Variants in ENPP2 observed in about 807,000 individuals in gnomAD.
ENPP2 encodes the protein autotaxin.
In ENPP2, 51 loss-of-function variants were observed where a neutral mutation model predicts 120.2. That is an observed-to-expected ratio of 0.42 (90% confidence interval 0.34 to 0.54). The LOEUF (loss-of-function observed/expected upper bound fraction) is 0.54. ENPP2 is among the 20% of genes least tolerant of loss of function. The probability of loss-of-function intolerance (pLI) is 0.04; values close to 1 mark genes in which losing one functional copy is unlikely to be tolerated. For synonymous variants in ENPP2, 365 were observed against 366.4 expected (o/e 1.00, Z 0.04); for missense variants, 920 against 1,066.5 (o/e 0.86, Z 1.91).
intron 11 of ENPP2, among the ~76,000 whole-genome samples, chr8:119,594,610 T>C (rs1813758955): frequency 6.6e-6 from 1 of 152,234 alleles, no homozygotes. Context: ...TATCTCATTT[T>C]CTTACTTCAA....
At chr8:119,606,632 A>C (rs1814738154) in intron 9 of ENPP2, among the ~76,000 whole-genome samples, 1 of 151,968 alleles carries the variant, frequency 6.6e-6, no homozygotes, top group Admixed American at 6.5e-5. Flanking sequence ...AAAGAAAGAA[A>C]TCTCTTAAAG....
chr8:119,603,875 T>C (rs1472882518), intron 9 of ENPP2, among the ~76,000 whole-genome samples: 5 of 152,134 alleles, frequency 3.3e-5, no homozygotes. Context: ...GATAATTCTT[T>C]TCTGGGCAGG....
chr8:119,650,173 C>CTTA (rs931911116), intron 1 of ENPP2, among the ~76,000 whole-genome samples: 1 of 152,158 alleles, frequency 6.6e-6, no homozygotes, highest in African/African-American at 2.4e-5. Context: ...GAATGAAGCC[C>CTTA]TTATATGTGC....
intron 8 of ENPP2, among the ~76,000 whole-genome samples, chr8:119,610,429 A>G (rs1338328158): frequency 2.0e-5 from 3 of 152,030 alleles, no homozygotes; most frequent in African/African-American, 7.2e-5. Context: ...AAGGGGGGGA[A>G]AAAGGCACTA....
Position 119,582,620 on chromosome 8 carries a change from A to T in ENPP2, c.1544-18T>A, listed in dbSNP as rs1265479145. The T allele has an allele frequency of 6.4e-7, 1 of 1,573,916 alleles. No individual in the cohort carries two copies. ...CAGGAGATCTAATGAAAATTAAGAA[A>T]AGGAGGCAGGTGCTTCTTATATTTT... On this transcript the variant is annotated intron_variant, in intron 17 of 24. Transcript: ENST00000075322.
In ENPP2 at chr8:119,569,282, G is replaced by T; in HGVS notation, c.2006C>A (p.Ala669Asp). Residue 669 changes from alanine (A) to aspartate (D), a missense_variant, in exon 21 of 25, where the codon GCC (alanine) becomes GAC (aspartate). By Grantham distance (126) the Ala-to-Asp change is moderately radical. Coordinates refer to ENST00000075322, the MANE Select transcript of ENPP2 (RefSeq NM_001040092.3). Reference protein sequence around the residue: ...VSPSFSQNCLAYKNDKQMSYG... With the variant: ...VSPSFSQNCLDYKNDKQMSYG... ...GGACATCTGCTTATCATTTTTGTAG[G>T]CCAAACAGTTCTGACTGAAACTCGG... 1 of 1,613,976 alleles carries T rather than the reference G, an allele frequency of 6.2e-7. No homozygotes were observed.
chr8:119,657,630 T>G (rs537036654), intron 1 of ENPP2, among the ~76,000 whole-genome samples: 1 of 152,316 alleles, frequency 6.6e-6, no homozygotes, highest in South Asian at 2.1e-4. Context: ...AATAGCAACA[T>G]GCTAGCATCA....
intron 12 of ENPP2, among the ~76,000 whole-genome samples, chr8:119,590,960 T>A (rs1813455895): frequency 7.5e-6 from 1 of 132,728 alleles, no homozygotes; most frequent in South Asian, 2.4e-4. Flanking sequence ...CAAACATAAC[T>A]ATTGACAGAG....
At chr8:119,642,032 C>T (rs955727015), upstream of ENPP2, among the ~76,000 whole-genome samples, 12 of 152,132 alleles carry the variant, frequency 7.9e-5, no homozygotes, top group Non-Finnish European at 8.8e-5. Flanking sequence ...ATCCAGGCAA[C>T]GCATAATATA....
At chr8:119,608,023 G>A in intron 8 of ENPP2, 46 bp from the exon 9 acceptor site, 1 of 1,416,048 alleles carries the variant, frequency 7.1e-7, no homozygotes, top group Non-Finnish European at 9.8e-7. Context: ...CTGTGTTTTT[G>A]TCAAAGAAGA....
Position 119,562,863 on chromosome 8 carries a change from G to A in ENPP2, c.2415C>T (p.Ser805=). 1 of 1,613,946 alleles carries A rather than the reference G, an allele frequency of 6.2e-7. No individual in the cohort carries two copies. The highest frequency in any genetic ancestry group is 8.5e-7 in the Non-Finnish European group (1 of 1,179,896). The part of the protein sequence containing the change: ...ILPHRPDNEE[S]CNSSEDESKW... ...ACTCTCTCTGTAAACTCACATTGCAGCTCTCCTCGTTGTCAGGCCGGTGAG... is the reference window on the plus strand; with the variant it reads ...ACTCTCTCTGTAAACTCACATTGCAACTCTCCTCGTTGTCAGGCCGGTGAG... Residue 805 remains serine (S), a synonymous_variant, in exon 24 of 25, where the codon AGC becomes AGT. Transcript: ENST00000075322.
At chr8:119,646,005 G>C (rs551760475) in intron 1 of ENPP2, among the ~76,000 whole-genome samples, 1 of 150,174 alleles carries the variant, frequency 6.7e-6, no homozygotes, top group Non-Finnish European at 1.5e-5. Flanking sequence ...TTTCACTCTT[G>C]TTGCCCAGGC....
intron 2 of ENPP2, among the ~76,000 whole-genome samples, chr8:119,627,292 C>T (rs961478096): frequency 2.0e-5 from 3 of 152,060 alleles, no homozygotes; most frequent in Non-Finnish European, 4.4e-5. Context: ...ATCTGGGCTT[C>T]TCAAAAAACT....
At chr8:119,586,358 G>GA in intron 14 of ENPP2, 45 bp from the exon 15 acceptor site, 1 of 1,594,066 alleles carries the variant, frequency 6.3e-7, no homozygotes, top group Non-Finnish European at 8.6e-7. Context: ...ATGTCTTTTG[G>GA]AAAAATTCTT....
intron 1 of ENPP2, among the ~76,000 whole-genome samples, chr8:119,665,657 G>T (rs1818047627): frequency 6.6e-6 from 1 of 151,992 alleles, no homozygotes; most frequent in Non-Finnish European, 1.5e-5. Context: ...TTTCCAAATT[G>T]GACAAGGCAC....
chr8:119,594,413 G>C (rs1156963914), intron 11 of ENPP2, among the ~76,000 whole-genome samples: 1 of 152,172 alleles, frequency 6.6e-6, no homozygotes, highest in Non-Finnish European at 1.5e-5. Context: ...CCTATTCTAA[G>C]AAACAAGTTA....
chr8:119,655,138 C>T (rs376512456), intron 1 of ENPP2, among the ~76,000 whole-genome samples: 10 of 152,132 alleles, frequency 6.6e-5, no homozygotes, highest in African/African-American at 2.4e-4. Flanking sequence ...AAGAAAGAAA[C>T]ACATTTCACA....
chr8:119,613,200 C>T (rs1027454568), intron 8 of ENPP2, among the ~76,000 whole-genome samples: 1 of 152,280 alleles, frequency 6.6e-6, no homozygotes. Flanking sequence ...ATGAGAAATG[C>T]AGGGTCCTAC....
chr8:119,604,650 T>TC (rs1474628938), intron 9 of ENPP2, among the ~76,000 whole-genome samples: 2 of 152,096 alleles, frequency 1.3e-5, no homozygotes, highest in Non-Finnish European at 2.9e-5. Context: ...TTATCTTAAG[T>TC]CATATATAGC....
Sources: gnomAD v4.1 joint callset for allele counts (sites outside exome capture counted in the v4.1 genomes callset) on GRCh38, gnomAD v4.1.1 for gene constraint, MANE v1.5 for transcripts, NCBI Gene and HGNC (gene_info 2026-07-23, HGNC 2026-07-21) for gene names.